ASMT: variants seen among roughly 807,000 people sequenced by gnomAD.
ASMT encodes acetylserotonin O-methyltransferase.
ASMT carries 53 observed loss-of-function variants against 41.3 expected under a neutral mutation model. The ratio of observed to expected loss-of-function variants is 1.28; its 90% CI spans 1.03 to 1.61. The LOEUF is 1.61. Among genes scored for constraint, ASMT ranks in the 40% most tolerant of loss-of-function variants. The pLI, the probability that ASMT is intolerant of heterozygous loss-of-function variation, is 0.00. For synonymous variants in ASMT, 231 were observed against 184.8 expected (o/e 1.25, Z -2.03); for missense variants, 531 against 441.3 (o/e 1.20, Z -1.82).
intron 1 of ASMT, among the ~76,000 whole-genome samples, chrX:1,617,114 A>C (rs1934162756): frequency 1.3e-5 from 2 of 151,518 alleles, no homozygotes. Flanking sequence ...TGAAGGCTGC[A>C]GTGAGCTATG....
rs750977631 is a variant in ASMT, at chrX:1,626,964, G to T, written c.375-739G>T. Among the ~76,000 whole-genome samples, 6 of 151,380 alleles carry T rather than the reference G, an allele frequency of 4.0e-5. No individual in the cohort carries two copies. In the South Asian group the frequency reaches 1.3e-3, roughly 32 times the overall value. Reference sequence around the variant, plus strand: ...GAATCGCTTGAACCGAGGAGGTGGAGATTGCAGTGAGCCAAGATCGCGCCA... The same window carrying T: ...GAATCGCTTGAACCGAGGAGGTGGATATTGCAGTGAGCCAAGATCGCGCCA... On this transcript the variant is annotated intron_variant, in intron 3 of 8. Coordinates refer to ENST00000381241, the MANE Select transcript of ASMT (RefSeq NM_001171038.2).
At chrX:1,620,357 G>A (rs1479706640) in intron 1 of ASMT, among the ~76,000 whole-genome samples, 36 of 151,068 alleles carry the variant, frequency 2.4e-4, no homozygotes, top group African/African-American at 8.2e-4. Context: ...TAGTAGAGAC[G>A]GGGTTTCACT....
At chrX:1,633,930 A>G (rs28749297) in intron 7 of ASMT, among the ~76,000 whole-genome samples, 49,841 of 150,112 alleles carry the variant, frequency 0.33, 9,264 homozygotes, top group African/African-American at 0.54. Context: ...GAACCATCAC[A>G]CCCGGCCTCT....
intron 1 of ASMT, among the ~76,000 whole-genome samples, chrX:1,621,988 C>A (rs1256303980): frequency 6.7e-6 from 1 of 150,144 alleles, no homozygotes; most frequent in African/African-American, 2.5e-5. Flanking sequence ...AGCCACCGCA[C>A]CCGGCCTATT....
chrX:1,624,099 G>A (rs1486544364), intron 2 of ASMT, 170 bp from the exon 3 acceptor site: 8 of 372,112 alleles, frequency 2.1e-5, no homozygotes, highest in East Asian at 3.3e-4. Flanking sequence ...TCACCTTTGC[G>A]CCTTCCACAG....
At chrX:1,622,393 C>G (rs182586863) in intron 1 of ASMT, among the ~76,000 whole-genome samples, 102 of 150,566 alleles carry the variant, frequency 6.8e-4, no homozygotes, top group Non-Finnish European at 1.2e-3. Context: ...CAGGTTCAAG[C>G]GATTCTCCTG....
intron 1 of ASMT, among the ~76,000 whole-genome samples, chrX:1,616,558 C>T (rs1934119674): frequency 6.6e-6 from 1 of 151,166 alleles, no homozygotes. Context: ...TACTAAGTGC[C>T]CCTGAATTAT....
At chrX:1,635,967 T>C (rs1934943664) in intron 7 of ASMT, among the ~76,000 whole-genome samples, 2 of 151,450 alleles carry the variant, frequency 1.3e-5, no homozygotes, top group Admixed American at 1.3e-4. Context: ...TTCTTTCTTT[T>C]TTTTTTTTTG....
At chrX:1,642,263 C>CTG (rs1187720333) in intron 8 of ASMT, among the ~76,000 whole-genome samples, 1 of 148,126 alleles carries the variant, frequency 6.8e-6, no homozygotes, top group African/African-American at 2.5e-5. Context: ...GGCACAGCCT[C>CTG]TGTGTGTGTG....
intron 1 of ASMT, among the ~76,000 whole-genome samples, chrX:1,619,591 A>ATAATAAAAAAAAGT (rs1569370450): frequency 2.0e-5 from 3 of 147,188 alleles, no homozygotes; most frequent in African/African-American, 7.4e-5. Context: ...TAATAATAAA[A>ATAATAAAAAAAAGT]AGTCTTTGGG....
intron 6 of ASMT, 24 bp downstream of exon 6, chrX:1,632,811 C>T (rs1484101164): frequency 4.4e-6 from 2 of 457,360 alleles, no homozygotes; most frequent in Non-Finnish European, 8.1e-6. Flanking sequence ...AATGAGACCA[C>T]ATGGACACAG....
chrX:1,615,191 GGA>G lies in ASMT; in HGVS notation c.-6_-5del. ...AGGCTCCGGAAGCCACGGCTGGATT[GGA>G]GACAAGATGGGATCCTCAGAGGACC... is the stretch of plus-strand genomic sequence containing the variant. On this transcript the variant is annotated 5_prime_UTR_variant, in exon 1 of 9. Transcript: ENST00000381241. 1 of 1,588,178 alleles carries G rather than the reference GGA, an allele frequency of 6.3e-7. No homozygotes were observed. The highest frequency in any genetic ancestry group is 8.6e-7 in the Non-Finnish European group (1 of 1,167,524).
At position 1,627,218 on chromosome X, in the gene ASMT, C is replaced by T. The variant is rs191251533; in HGVS notation, c.375-485C>T. ...GCAGGTGCCTGTAATCCCAGCTACTCGGGAGGCTGAGGTAGGAAAATCGCT... is the reference window on the plus strand; with the variant it reads ...GCAGGTGCCTGTAATCCCAGCTACTTGGGAGGCTGAGGTAGGAAAATCGCT... On this transcript the variant is annotated intron_variant, in intron 3 of 8. Transcript: ENST00000381241. Among the ~76,000 whole-genome samples, 613 of 150,646 alleles carry T rather than the reference C, an allele frequency of 4.1e-3. 12 individuals are homozygous for T. The highest frequency in any genetic ancestry group is 0.031 in the Admixed American group (463 of 15,018).
intron 1 of ASMT, among the ~76,000 whole-genome samples, chrX:1,622,452 G>A (rs765204362): frequency 1.1e-4 from 17 of 150,890 alleles, no homozygotes; most frequent in African/African-American, 3.9e-4. Context: ...CACCACGCCC[G>A]GCTAATTTTT....
At chrX:1,631,837 C>T (rs1300374675) in intron 5 of ASMT, among the ~76,000 whole-genome samples, 4 of 152,050 alleles carry the variant, frequency 2.6e-5, no homozygotes, top group Non-Finnish European at 5.9e-5. Flanking sequence ...ATCCCAAGGT[C>T]AGGAGTTTGA....
intron 1 of ASMT, among the ~76,000 whole-genome samples, chrX:1,620,868 A>G (rs1319274056): frequency 6.0e-5 from 9 of 151,154 alleles, no homozygotes; most frequent in Non-Finnish European, 1.0e-4. Flanking sequence ...CAGCCTGGCG[A>G]CAGAGCGAGA....
intron 5 of ASMT, among the ~76,000 whole-genome samples, chrX:1,631,824 C>T (rs1446945613): frequency 8.6e-5 from 13 of 151,740 alleles, no homozygotes; most frequent in African/African-American, 2.7e-4. Flanking sequence ...CTGAGGCGGG[C>T]GGATCCCAAG....
intron 7 of ASMT, 145 bp from the exon 8 acceptor site, chrX:1,636,293 T>C (rs1374561604): frequency 8.1e-7 from 1 of 1,236,082 alleles, no homozygotes; most frequent in African/African-American, 1.5e-5. Context: ...GCCTTTTTGT[T>C]TTCTGAGGCT....
chrX:1,617,078 C>T (rs1221044433), intron 1 of ASMT, among the ~76,000 whole-genome samples: 18 of 151,946 alleles, frequency 1.2e-4, no homozygotes, highest in Admixed American at 1.2e-3. Flanking sequence ...GAGGCTGAGG[C>T]GGGAGGATCG....
Sources: gnomAD v4.1 joint callset for allele counts (sites outside exome capture counted in the v4.1 genomes callset) on GRCh38, gnomAD v4.1.1 for gene constraint, MANE v1.5 for transcripts, NCBI Gene and HGNC (gene_info 2026-07-23, HGNC 2026-07-21) for gene names.